The following MARK2 variants were observed in gnomAD, a reference collection of about 807,000 sequenced individuals.
MARK2 encodes microtubule affinity regulating kinase 2, also known as serine/threonine-protein kinase MARK2.
A neutral mutation model predicts 89.8 loss-of-function variants in MARK2; 16 were observed. That is an observed-to-expected ratio of 0.18 (90% CI 0.12 to 0.27). MARK2 has a LOEUF of 0.27. Among genes scored for constraint, MARK2 ranks in the 10% least tolerant of loss-of-function variants. MARK2 has a pLI of 1.00. For synonymous variants in MARK2, 382 were observed against 399.5 expected (o/e 0.96, Z 0.52); for missense variants, 621 against 1,049.9 (o/e 0.59, Z 5.65).
At chr11:63,856,819 TCTCG>T in intron 1 of MARK2, among the ~76,000 whole-genome samples, 1 of 127,582 alleles carries the variant, frequency 7.8e-6, no homozygotes, top group Non-Finnish European at 1.6e-5. Flanking sequence ...ACAAAGTCTC[TCTCG>T]CTCTCTCGCT....
chr11:63,863,240 G>C (rs1000363805), intron 1 of MARK2, among the ~76,000 whole-genome samples: 3 of 152,118 alleles, frequency 2.0e-5, no homozygotes, highest in Non-Finnish European at 4.4e-5. Flanking sequence ...TGTGCACATG[G>C]CTAGCTATGG....
chr11:63,877,931 A>C (rs1938863102), intron 1 of MARK2, among the ~76,000 whole-genome samples: 1 of 152,150 alleles, frequency 6.6e-6, no homozygotes, highest in Admixed American at 6.5e-5. Context: ...TGTTCACCTA[A>C]CTGCTGACAA....
chr11:63,888,704 T>C (rs1939567223), intron 1 of MARK2: 1 of 1,191,094 alleles, frequency 8.4e-7, no homozygotes, highest in East Asian at 5.9e-5. Context: ...GTCTCTCTGC[T>C]AGTGGTGGTT....
chr11:63,878,808 A>G (rs757134851), intron 1 of MARK2, among the ~76,000 whole-genome samples: 3 of 152,068 alleles, frequency 2.0e-5, no homozygotes, highest in Non-Finnish European at 4.4e-5. Flanking sequence ...GTTCTGGGCT[A>G]TGGTTTAAGT....
At chr11:63,843,666 C>T (rs1006148410) in intron 1 of MARK2, among the ~76,000 whole-genome samples, 2 of 151,776 alleles carry the variant, frequency 1.3e-5, no homozygotes, top group African/African-American at 4.8e-5. Flanking sequence ...GCTCTGTCGC[C>T]CAGGCTGGAG....
At chr11:63,894,378 G>A (rs1940179025) in intron 1 of MARK2, among the ~76,000 whole-genome samples, 1 of 152,220 alleles carries the variant, frequency 6.6e-6, no homozygotes, top group African/African-American at 2.4e-5. Flanking sequence ...TTCCATGCAG[G>A]AAGGGCTACT....
chr11:63,898,544 T>A (rs1940609331), intron 4 of MARK2, 64 bp from the exon 5 acceptor site: 1 of 1,254,210 alleles, frequency 8.0e-7, no homozygotes, highest in Middle Eastern at 1.9e-4. Context: ...CTCCTGGACA[T>A]GTTGGAGAGC....
intron 1 of MARK2, among the ~76,000 whole-genome samples, chr11:63,852,530 A>G (rs2016623520): frequency 6.6e-6 from 1 of 152,046 alleles, no homozygotes; most frequent in African/African-American, 2.4e-5. Flanking sequence ...GTAAGGGTGG[A>G]TTGTTGGCTT....
chr11:63,861,964 C>T lies in MARK2; in HGVS notation c.54+22404C>T, dbSNP rs530119997. Among the ~76,000 whole-genome samples, 5 of 132,302 alleles carry T rather than the reference C, an allele frequency of 3.8e-5. No homozygotes were observed. In the East Asian group the frequency reaches 6.5e-4, roughly 17 times the overall value. 86.8% of individuals were successfully genotyped at this position (132,302 alleles called of 152,430 possible). On this transcript the variant is annotated intron_variant, in intron 1 of 18. Transcript: ENST00000402010. ...TTGAGACGGTGTTTCGCTCTTGTTGCTCAGGCTAGAGTGCAGTGGCACTGT... is the reference window on the plus strand; with the variant it reads ...TTGAGACGGTGTTTCGCTCTTGTTGTTCAGGCTAGAGTGCAGTGGCACTGT...
At position 63,890,176 on chromosome 11, in the gene MARK2, ACT is replaced by A. The variant is rs1209030844; in HGVS notation, c.55-4977_55-4976del. ...GGCCCAAGAAGCATTTCTGTTGGAG[ACT>A]CTCTCCTCTCTTTTCCCTTTTTCTT... On this transcript the variant is annotated intron_variant, in intron 1 of 18. Transcript: ENST00000402010. 1.7e-6 allele frequency: 2 copies of A among 1,205,100 alleles called. 1 individual carries two copies. Among genetic ancestry groups the A allele is most frequent in the Middle Eastern group, 4.5e-4 (2 of 4,464 alleles). The allele number at this position is 1,205,100 out of a possible 1,614,324, so 74.7% of individuals were successfully genotyped here. A position where few individuals can be genotyped will look rare whatever the true frequency, so the allele number is the denominator to read the frequency against.
chr11:63,906,170 C>T (rs1189628260), intron 17 of MARK2, 56 bp downstream of exon 17: 3 of 1,253,136 alleles, frequency 2.4e-6, no homozygotes, highest in Non-Finnish European at 3.0e-6. Flanking sequence ...TGTCCTGTGT[C>T]CTGCCTCCAT....
At chr11:63,844,852 A>G (rs1320822721) in intron 1 of MARK2, among the ~76,000 whole-genome samples, 1 of 152,210 alleles carries the variant, frequency 6.6e-6, no homozygotes, top group East Asian at 1.9e-4. Context: ...TTTCCCATTG[A>G]GCACTTAGCC....
intron 1 of MARK2, 33 bp downstream of exon 1, chr11:63,839,593 G>A: frequency 7.0e-7 from 1 of 1,425,454 alleles, no homozygotes. Context: ...CGAATTCTCT[G>A]GCTGGGCCCT....
In MARK2 at chr11:63,904,479, A is replaced by G. The variant is rs993686152; in HGVS notation, c.1677-307A>G. On this transcript the variant is annotated intron_variant, in intron 15 of 18. Transcript: ENST00000402010. This position sits in a 1 kb window ranked among gnomAD's most constrained non-coding sequence, Gnocchi z 6.3. ...ACTCAATCCTCAAGGGTTGGTCCCC[A>G]TTGCCGCCTTGAGGGTCCAGTCTGC... 6.6e-6 allele frequency among the ~76,000 whole-genome samples: 1 copy of G among 151,966 alleles called. No homozygotes were observed.
chr11:63,842,275 G>A (rs1157571018), intron 1 of MARK2, among the ~76,000 whole-genome samples: 3 of 149,768 alleles, frequency 2.0e-5, no homozygotes, highest in Non-Finnish European at 4.4e-5. Context: ...GGAGTGCAGT[G>A]GCACAATCTT....
chr11:63,895,676 TTTTTTTTTTTGAG>T, intron 3 of MARK2, 43 bp downstream of exon 3: 1 of 651,968 alleles, frequency 1.5e-6, no homozygotes, highest in East Asian at 6.6e-5. Flanking sequence ...TTTTTTTTTT[TTTTTTTTTTTGAG>T]TCAGAGCCTC....
At chr11:63,858,113 G>C (rs1175603827) in intron 1 of MARK2, among the ~76,000 whole-genome samples, 1 of 151,982 alleles carries the variant, frequency 6.6e-6, no homozygotes, top group Non-Finnish European at 1.5e-5. Context: ...TACAACCTCT[G>C]CCTCCTGGGA....
chr11:63,882,306 AG>A (rs1344208000), intron 1 of MARK2, among the ~76,000 whole-genome samples: 1 of 151,846 alleles, frequency 6.6e-6, no homozygotes, highest in Non-Finnish European at 1.5e-5. Flanking sequence ...AATATGGGCC[AG>A]GCTTAGTGGC....
rs189800525 is a variant in MARK2 at position 63,887,017 on chromosome 11, G to A, written c.55-8142G>A. ...CCACTGAAGTCAGGGCCCACTTTTG[G>A]GGGGCTGGGAAAAGGAAGGGTTGCT... On this transcript the variant is annotated intron_variant, in intron 1 of 18. Coordinates refer to ENST00000402010, the MANE Select transcript of MARK2 (RefSeq NM_001039469.3). Among the ~76,000 whole-genome samples the A allele has an allele frequency of 1.3e-3, 202 of 152,358 alleles. 1 individual carries two copies. The highest frequency in any genetic ancestry group is 2.2e-3 in the Non-Finnish European group (152 of 68,036).
Sources: allele counts gnomAD v4.1 joint callset (sites outside exome capture counted in the v4.1 genomes callset), GRCh38; gene constraint gnomAD v4.1.1; non-coding constraint Gnocchi (gnomAD v3.1); transcripts MANE v1.5; gene names NCBI Gene and HGNC (gene_info 2026-07-23, HGNC 2026-07-21).